Variants in CFAP206 observed in about 807,000 individuals in gnomAD.
The protein encoded by CFAP206 is cilia- and flagella-associated protein 206.
A neutral mutation model predicts 65.4 loss-of-function variants in CFAP206; 53 were observed. That is an observed-to-expected ratio of 0.81 (90% confidence interval 0.65 to 1.02). CFAP206 has a LOEUF of 1.02. CFAP206 is among the 50% of genes least tolerant of loss of function. The pLI is 0.00. For synonymous variants in CFAP206, 250 were observed against 254.4 expected, an observed-to-expected ratio of 0.98 and a Z score of 0.17; for missense variants, 663 against 753.2, an observed-to-expected ratio of 0.88 and a Z score of 1.40.
At chr6:87,412,640 TTTTAATTTAA>T (rs1245075508) in intron 3 of CFAP206, among the ~76,000 whole-genome samples, 1 of 152,008 alleles carries the variant, frequency 6.6e-6, no homozygotes. Context: ...AGCTTTTTAA[TTTTAATTTAA>T]TTTAATTTAA....
Position 87,434,937 on chromosome 6 carries a change from G to A in CFAP206, c.1378G>A (p.Ala460Thr), listed in dbSNP as rs1398602621. 4 of 1,569,522 alleles carry A rather than the reference G, an allele frequency of 2.5e-6. No homozygotes were observed. The highest frequency in any genetic ancestry group is 3.5e-6 in the Non-Finnish European group (4 of 1,144,516). ...TAGTAAAGATGCTGCATATTCATTT[G>A]CAGAAAATCCTGAACATTATATTGA... Reference protein sequence around the residue: ...FNSKDAAYSFAENPEHYIDIV... With the variant: ...FNSKDAAYSFTENPEHYIDIV... Residue 460 changes from alanine to threonine, a missense_variant, in exon 11 of 13, where the codon GCA becomes ACA. Coordinates refer to ENST00000369562, the MANE Select transcript of CFAP206 (RefSeq NM_001031743.3).
At chr6:87,422,683 G>A (rs943542175) in intron 7 of CFAP206, among the ~76,000 whole-genome samples, 2 of 151,306 alleles carry the variant, frequency 1.3e-5, no homozygotes, top group Non-Finnish European at 3.0e-5. Flanking sequence ...CGCGGAGGGT[G>A]GAGGCTGCAG....
At chr6:87,434,655 G>A (rs1319116541) in intron 10 of CFAP206, among the ~76,000 whole-genome samples, 2 of 151,856 alleles carry the variant, frequency 1.3e-5, no homozygotes, top group African/African-American at 2.4e-5. Context: ...ACACCACCAC[G>A]CCCATCTAAT....
chr6:87,448,231 C>T (rs1741748456), intron 11 of CFAP206, among the ~76,000 whole-genome samples: 1 of 152,068 alleles, frequency 6.6e-6, no homozygotes, highest in Admixed American at 6.6e-5. Context: ...TCATAGCCCA[C>T]TGCAGCCTCA....
chr6:87,447,815 T>A (rs2127955503), intron 11 of CFAP206, among the ~76,000 whole-genome samples: 1 of 152,268 alleles, frequency 6.6e-6, no homozygotes, highest in South Asian at 2.1e-4. Context: ...TCCTGGGCTT[T>A]TTTTGGTTGG....
intron 1 of CFAP206, 57 bp downstream of exon 1, chr6:87,408,146 G>A (rs576896255): frequency 3.4e-5 from 31 of 914,190 alleles, no homozygotes; most frequent in Admixed American, 1.9e-4. Context: ...GCCAGGCGGC[G>A]AGCTTGGGGC....
chr6:87,443,202 AT>A (rs1236174331), intron 11 of CFAP206, among the ~76,000 whole-genome samples: 1 of 152,042 alleles, frequency 6.6e-6, no homozygotes, highest in African/African-American at 2.4e-5. Flanking sequence ...AATAAGTTGC[AT>A]TTTTCTAGGA....
chr6:87,419,117 GTTTGTTTTTTTT>G lies in CFAP206; in HGVS notation c.840+716_840+727del, dbSNP rs1447750639. Among the ~76,000 whole-genome samples, 82 of 148,084 alleles carry G rather than the reference GTTTGTTTTTTTT, an allele frequency of 5.5e-4. 1 individual carries two copies. Among genetic ancestry groups the G allele is most frequent in the African/African-American group, 1.9e-3 (75 of 39,772 alleles). ...GACCCTGACCCTGACTCAAAAAAAC[GTTTGTTTTTTTT>G]TTTGTTTTTTTTTTAAATATAGATT... is the stretch of plus-strand genomic sequence containing the variant. On this transcript the variant is annotated intron_variant, in intron 7 of 12. Coordinates refer to ENST00000369562, the MANE Select transcript of CFAP206 (RefSeq NM_001031743.3).
chr6:87,457,031 T>G (rs1329507667), intron 11 of CFAP206, among the ~76,000 whole-genome samples: 1 of 151,210 alleles, frequency 6.6e-6, no homozygotes, highest in Non-Finnish European at 1.5e-5. Context: ...GTGCCTGTTG[T>G]CCCAGCTACT....
rs538960546 is a variant in CFAP206, at chr6:87,457,162, A to G, written c.1495-3860A>G. On this transcript the variant is annotated intron_variant, in intron 11 of 12. Transcript: ENST00000369562. The stretch of plus-strand genomic sequence containing the variant: ...GAGACAACCTCTCAAAAAAAAAAAA[A>G]AAAAGAAAAGAAATTGAAGAGGACA... Among the ~76,000 whole-genome samples the G allele has an allele frequency of 2.8e-3, 422 of 151,650 alleles. 2 individuals are homozygous for G. The highest frequency in any genetic ancestry group is 4.6e-3 in the Non-Finnish European group (315 of 67,890).
intron 9 of CFAP206, among the ~76,000 whole-genome samples, chr6:87,429,208 CAG>C (rs1427303502): frequency 1.4e-5 from 2 of 142,622 alleles, no homozygotes; most frequent in Non-Finnish European, 3.0e-5. Flanking sequence ...GCCTGGGTGA[CAG>C]AGTGAGACTC....
chr6:87,437,493 C>A (rs35138004), intron 11 of CFAP206, among the ~76,000 whole-genome samples: 6,569 of 152,118 alleles, frequency 0.043, 196 homozygotes, highest in Middle Eastern at 0.092. Context: ...CCCAGCCTGA[C>A]ACCTCTGTTA....
chr6:87,411,060 AT>A (rs36074935), intron 3 of CFAP206, among the ~76,000 whole-genome samples: 46,789 of 152,056 alleles, frequency 0.31, 7,419 homozygotes, highest in African/African-American at 0.38. Context: ...ACCCAGGGAC[AT>A]TTCACTTCTT....
At chr6:87,448,297 G>A in intron 11 of CFAP206, among the ~76,000 whole-genome samples, 1 of 152,142 alleles carries the variant, frequency 6.6e-6, no homozygotes, top group East Asian at 1.9e-4. Context: ...TGGGACTACA[G>A]CCACACGCCA....
intron 11 of CFAP206, among the ~76,000 whole-genome samples, chr6:87,452,215 C>T (rs968847496): frequency 6.6e-6 from 1 of 152,220 alleles, no homozygotes; most frequent in Non-Finnish European, 1.5e-5. Context: ...CCAAGACCAC[C>T]AAGGCAGTAC....
intron 6 of CFAP206, among the ~76,000 whole-genome samples, chr6:87,417,530 G>A (rs1474779825): frequency 6.8e-6 from 1 of 147,824 alleles, no homozygotes; most frequent in East Asian, 2.0e-4. Context: ...TCACCATCCA[G>A]ATGAGTTTCT....
At chr6:87,459,989 A>G (rs1006300705) in intron 11 of CFAP206, among the ~76,000 whole-genome samples, 2 of 152,118 alleles carry the variant, frequency 1.3e-5, no homozygotes, top group Non-Finnish European at 2.9e-5. Context: ...TTTACTTGCC[A>G]TTTACTTGTA....
At chr6:87,408,512 CGCGCACACAGATCCGGA>C in intron 1 of CFAP206, 1 of 71,342 alleles carries the variant, frequency 1.4e-5, no homozygotes, top group Non-Finnish European at 3.0e-5. Flanking sequence ...AGATCCGGAG[CGCGCACACAGATCCGGA>C]GCGCGCACAC....
chr6:87,463,097 G>A (rs1768771740), intron 12 of CFAP206, among the ~76,000 whole-genome samples: 1 of 152,196 alleles, frequency 6.6e-6, no homozygotes, highest in South Asian at 2.1e-4. Flanking sequence ...CAGCATTGGT[G>A]GGAATAGCAA....
Sources: gnomAD v4.1 joint callset for allele counts (sites outside exome capture counted in the v4.1 genomes callset) on GRCh38, gnomAD v4.1.1 for gene constraint, MANE v1.5 for transcripts, NCBI Gene and HGNC (gene_info 2026-07-23, HGNC 2026-07-21) for gene names.